ANKRD45: variants seen among roughly 807,000 people sequenced by gnomAD.
ANKRD45 encodes ankyrin repeat domain 45.
Under a neutral mutation model 28.1 loss-of-function variants are expected in ANKRD45, and 21 were observed. The ratio of observed to expected loss-of-function variants is 0.75; its 90% confidence interval spans 0.53 to 1.08. ANKRD45 has a LOEUF of 1.08. ANKRD45 is among the 50% of genes least tolerant of loss of function. The pLI is 0.00. For synonymous variants in ANKRD45, 86 were observed against 103.9 expected (o/e 0.83, Z 1.05); for missense variants, 261 against 308.7 (o/e 0.85, Z 1.16).
chr1:173,637,410 T>C (rs977769667), intron 3 of ANKRD45, among the ~76,000 whole-genome samples: 1 of 152,264 alleles, frequency 6.6e-6, no homozygotes, highest in African/African-American at 2.4e-5. Flanking sequence ...TACTCTGTTC[T>C]TAGCTCCCAC....
At position 173,650,563 on chromosome 1, in the gene ANKRD45, C is replaced by T. The variant is rs1250222314; in HGVS notation, c.329-3550G>A. On this transcript the variant is annotated intron_variant, in intron 2 of 5. Transcript: ENST00000333279. ...TGTGAATAGTGCCGCAATAAACATA[C>T]GTGTGCGTGTGTCTTTATAGTAGCA... Among the ~76,000 whole-genome samples the T allele has an allele frequency of 3.3e-5, 5 of 152,124 alleles. 1 individual carries two copies. The highest frequency in any genetic ancestry group is 4.1e-4 in the South Asian group (2 of 4,824).
chr1:173,652,641 C>G (rs142952978), intron 2 of ANKRD45, among the ~76,000 whole-genome samples: 4,126 of 152,190 alleles, frequency 0.027, 198 homozygotes, highest in African/African-American at 0.095. Context: ...CCCTCTTTTT[C>G]TATTGATTGG....
At chr1:173,677,824 T>C in the ANKRD45 span, among the ~76,000 whole-genome samples, 1,091 of 152,276 alleles carry the variant, frequency 7.2e-3, 10 homozygotes, top group African/African-American at 0.025. Flanking sequence ...TAAAACTTAA[T>C]AATAATGGCA....
At chr1:173,620,874 G>T (rs1345387501) in intron 5 of ANKRD45, among the ~76,000 whole-genome samples, 2 of 151,974 alleles carry the variant, frequency 1.3e-5, no homozygotes, top group Non-Finnish European at 2.9e-5. Flanking sequence ...CCAGGAGCTG[G>T]TTTTTTGGAA....
chr1:173,627,411 T>C (rs1485981395), intron 3 of ANKRD45, among the ~76,000 whole-genome samples: 1 of 152,166 alleles, frequency 6.6e-6, no homozygotes, highest in East Asian at 1.9e-4. Context: ...TACACCACAC[T>C]TCCCCCATAC....
At chr1:173,708,496 T>C in the ANKRD45 span, among the ~76,000 whole-genome samples, 1 of 152,252 alleles carries the variant, frequency 6.6e-6, no homozygotes, top group Non-Finnish European at 1.5e-5. Flanking sequence ...GCTGGTGCCT[T>C]GATCTGGGGC....
chr1:173,693,720 T>C, the ANKRD45 span, among the ~76,000 whole-genome samples: 1 of 152,174 alleles, frequency 6.6e-6, no homozygotes, highest in Non-Finnish European at 1.5e-5. Flanking sequence ...TAAAGAGATG[T>C]CACAGAATTC....
Position 173,617,434 on chromosome 1 carries a change from TAGCCTTCC to T in ANKRD45, c.731-7227_731-7220del, listed in dbSNP as rs534781889. 6.5e-3 allele frequency among the ~76,000 whole-genome samples: 990 copies of T among 152,340 alleles called. 5 individuals are homozygous for T. The highest frequency in any genetic ancestry group is 0.01 in the Non-Finnish European group (685 of 68,030). On this transcript the variant is annotated intron_variant, in intron 5 of 5. Coordinates refer to ENST00000333279, the MANE Select transcript of ANKRD45 (RefSeq NM_198493.3). Reference sequence around the variant, plus strand: ...TGCAGTTTGTTCAACTCAGCCCTTCTAGCCTTCCAGCTCTGGGGAGTTCAAGAAGTCCT... The same window carrying T: ...TGCAGTTTGTTCAACTCAGCCCTTCTAGCTCTGGGGAGTTCAAGAAGTCCT...
chr1:173,689,634 T>C, the ANKRD45 span, among the ~76,000 whole-genome samples: 1 of 152,208 alleles, frequency 6.6e-6, no homozygotes, highest in Non-Finnish European at 1.5e-5. Context: ...CCTCAGTCTG[T>C]CTAGGAATCT....
the ANKRD45 span, among the ~76,000 whole-genome samples, chr1:173,682,260 TA>T: frequency 6.6e-6 from 1 of 152,244 alleles, no homozygotes. Context: ...ACAGTGTACT[TA>T]AAAAAATTTT....
At chr1:173,612,931 C>T (rs1447586020) in intron 5 of ANKRD45, among the ~76,000 whole-genome samples, 1 of 152,188 alleles carries the variant, frequency 6.6e-6, no homozygotes, top group African/African-American at 2.4e-5. Flanking sequence ...GGCATGATCT[C>T]GGCTAGCTAC....
chr1:173,700,318 C>T, the ANKRD45 span, among the ~76,000 whole-genome samples: 1 of 152,182 alleles, frequency 6.6e-6, no homozygotes, highest in Non-Finnish European at 1.5e-5. Context: ...TTGGAAAAAA[C>T]TACTTTAAAG....
upstream of ANKRD45, among the ~76,000 whole-genome samples, chr1:173,674,768 G>C (rs1670357209): frequency 6.6e-6 from 1 of 152,146 alleles, no homozygotes; most frequent in African/African-American, 2.4e-5. Context: ...AGAATGGGAG[G>C]CAGATTTGCC....
intron 3 of ANKRD45, among the ~76,000 whole-genome samples, chr1:173,644,155 G>C (rs1416178991): frequency 6.6e-6 from 1 of 152,122 alleles, no homozygotes; most frequent in Admixed American, 6.5e-5. Flanking sequence ...AAGACTATTT[G>C]GGGTAGGGAT....
intron 5 of ANKRD45, among the ~76,000 whole-genome samples, chr1:173,624,228 C>T (rs1051016932): frequency 6.6e-6 from 1 of 152,084 alleles, no homozygotes; most frequent in Non-Finnish European, 1.5e-5. Flanking sequence ...TGTGGTGGCT[C>T]ACACCTGTAA....
intron 2 of ANKRD45, among the ~76,000 whole-genome samples, chr1:173,651,813 C>T (rs1163173351): frequency 1.3e-5 from 2 of 152,144 alleles, no homozygotes; most frequent in Non-Finnish European, 2.9e-5. Flanking sequence ...TCCTTCACAT[C>T]CCTTGTAAGT....
At chr1:173,657,304 TA>T in intron 2 of ANKRD45, 7 of 323,144 alleles carry the variant, frequency 2.2e-5, no homozygotes, top group Non-Finnish European at 3.2e-5. Context: ...CCCTCTCCAC[TA>T]AAAAATACGA....
chr1:173,636,000 G>A (rs967642316), intron 3 of ANKRD45, among the ~76,000 whole-genome samples: 19 of 152,118 alleles, frequency 1.2e-4, no homozygotes, highest in Middle Eastern at 3.4e-3. Flanking sequence ...ACAGTATCTT[G>A]CTCATACTAG....
intron 5 of ANKRD45, among the ~76,000 whole-genome samples, chr1:173,624,258 T>G (rs1244034737): frequency 6.6e-6 from 1 of 152,136 alleles, no homozygotes; most frequent in Non-Finnish European, 1.5e-5. Flanking sequence ...TTCAGGAGGC[T>G]GAGGCAGGAG....
Sources: allele counts gnomAD v4.1 joint callset (sites outside exome capture counted in the v4.1 genomes callset), GRCh38; gene constraint gnomAD v4.1.1; transcripts MANE v1.5; gene names NCBI Gene and HGNC (gene_info 2026-07-23, HGNC 2026-07-21).